The following IGF2BP2 variants were observed in gnomAD, a reference collection of about 807,000 sequenced individuals.
The protein encoded by IGF2BP2 is insulin-like growth factor 2 mRNA-binding protein 2.
IGF2BP2 carries 17 observed loss-of-function variants against 75.8 expected under a neutral mutation model. That is an observed-to-expected ratio of 0.22 (90% CI 0.15 to 0.34). The LOEUF is 0.34. Among genes scored for constraint, IGF2BP2 ranks in the 10% least tolerant of loss-of-function variants. IGF2BP2 has a pLI of 1.00. For missense variants in IGF2BP2, 516 were observed against 772.4 expected (o/e 0.67, Z 3.93); for synonymous variants, 288 against 295.6 (o/e 0.97, Z 0.26).
chr3:185,732,708 T>C (rs895302152), intron 2 of IGF2BP2, among the ~76,000 whole-genome samples: 7 of 152,306 alleles, frequency 4.6e-5, no homozygotes, highest in African/African-American at 7.2e-5. Context: ...GAAGAGTATA[T>C]GAAGACAATT....
At chr3:185,646,654 AGGGTG>A (rs1323236754) in intron 15 of IGF2BP2, among the ~76,000 whole-genome samples, 1 of 152,156 alleles carries the variant, frequency 6.6e-6, no homozygotes, top group East Asian at 1.9e-4. Context: ...AGGAATCCAG[AGGGTG>A]GGCTTGCCTG....
intron 10 of IGF2BP2, among the ~76,000 whole-genome samples, chr3:185,671,546 A>G (rs1385417518): frequency 4.6e-5 from 7 of 151,884 alleles, no homozygotes; most frequent in Admixed American, 2.6e-4. Flanking sequence ...AAAAAAAAAA[A>G]AAAAAGAAAA....
At chr3:185,742,478 AGAGT>A (rs1401490491) in intron 2 of IGF2BP2, among the ~76,000 whole-genome samples, 1 of 152,060 alleles carries the variant, frequency 6.6e-6, no homozygotes, top group Non-Finnish European at 1.5e-5. Context: ...CCTGGGCAAC[AGAGT>A]GAGACTCCAT....
At chr3:185,824,608 G>A (rs1469037041) in intron 1 of IGF2BP2, among the ~76,000 whole-genome samples, 175 bp downstream of exon 1, 1 of 151,550 alleles carries the variant, frequency 6.6e-6, no homozygotes, top group African/African-American at 2.4e-5. Flanking sequence ...GGGGAGGGGA[G>A]CGGGCCGTCC....
intron 10 of IGF2BP2, among the ~76,000 whole-genome samples, chr3:185,666,021 G>A (rs1007328204): frequency 6.6e-6 from 1 of 150,944 alleles, no homozygotes; most frequent in African/African-American, 2.4e-5. Context: ...TAGATAGATA[G>A]ATAGATAGAT....
Position 185,810,793 on chromosome 3 carries a change from C to A in IGF2BP2, c.239+12360G>T, listed in dbSNP as rs1027498026. ...TCTCAAAAAAAAAAACAACAAAAAA[C>A]AAAAACTAAAAAACAAACAAAAAAA... On this transcript the variant is annotated intron_variant, in intron 2 of 15. Transcript: ENST00000382199. 9.2e-3 allele frequency among the ~76,000 whole-genome samples: 1,376 copies of A among 149,604 alleles called. 10 individuals are homozygous for A. Among genetic ancestry groups the A allele is most frequent in the East Asian group, 0.023 (115 of 5,066 alleles).
chr3:185,708,158 C>G (rs1319468021), intron 2 of IGF2BP2, among the ~76,000 whole-genome samples: 1 of 152,178 alleles, frequency 6.6e-6, no homozygotes, highest in East Asian at 1.9e-4. Flanking sequence ...TTGTCTGAGT[C>G]TCACAGTTAG....
chr3:185,804,015 T>C (rs1379281180), intron 2 of IGF2BP2, among the ~76,000 whole-genome samples: 2 of 152,012 alleles, frequency 1.3e-5, no homozygotes, highest in African/African-American at 2.4e-5. Flanking sequence ...TCCCAGCACT[T>C]TGGGAGGCTG....
intron 5 of IGF2BP2, among the ~76,000 whole-genome samples, chr3:185,692,462 G>T (rs919301132): frequency 2.0e-5 from 3 of 152,202 alleles, no homozygotes; most frequent in Admixed American, 2.0e-4. Context: ...CAAATATCCC[G>T]GTGTGAATGT....
chr3:185,758,619 T>G (rs543050874), intron 2 of IGF2BP2, among the ~76,000 whole-genome samples: 1 of 152,330 alleles, frequency 6.6e-6, no homozygotes, highest in South Asian at 2.1e-4. Flanking sequence ...GGCACTGTGT[T>G]AGCACTGCTG....
chr3:185,822,968 T>C (rs1207394372), intron 2 of IGF2BP2, among the ~76,000 whole-genome samples, 185 bp downstream of exon 2: 1 of 151,042 alleles, frequency 6.6e-6, no homozygotes, highest in Admixed American at 6.6e-5. Flanking sequence ...CCAAGAACAG[T>C]AAACACCTTA....
At chr3:185,699,380 C>G (rs1012821141) in intron 2 of IGF2BP2, among the ~76,000 whole-genome samples, 1 of 152,162 alleles carries the variant, frequency 6.6e-6, no homozygotes, top group Non-Finnish European at 1.5e-5. Flanking sequence ...CAGGTGAGGT[C>G]ATATAGTGGG....
intron 6 of IGF2BP2, among the ~76,000 whole-genome samples, chr3:185,688,457 C>G (rs1721455086): frequency 6.6e-6 from 1 of 152,196 alleles, no homozygotes; most frequent in Non-Finnish European, 1.5e-5. Flanking sequence ...ATTCTCCTGC[C>G]TCAGCCTCCA....
chr3:185,668,639 T>C (rs1718048860), intron 10 of IGF2BP2, among the ~76,000 whole-genome samples: 2 of 150,458 alleles, frequency 1.3e-5, no homozygotes, highest in South Asian at 4.2e-4. Context: ...TATATAATTA[T>C]ATACATATAA....
Position 185,645,686 on chromosome 3 carries a change from C to A in IGF2BP2, c.1708-63G>T. 1.6e-6 allele frequency: 2 copies of A among 1,255,696 alleles called. No individual in the cohort carries two copies. Among genetic ancestry groups the A allele is most frequent in the Non-Finnish European group, 2.3e-6 (2 of 855,158 alleles). 77.8% of individuals were successfully genotyped at this position (1,255,696 alleles called of 1,614,324 possible). ...GAAAAAAGGAACCCAGTTCTGAGGA[C>A]AAACGGCAGGGGAGGCTCTGGGGCT... On this transcript the variant is annotated intron_variant, in intron 15 of 15. Transcript: ENST00000382199. This position sits in a 1 kb window ranked among gnomAD's most constrained non-coding sequence, Gnocchi z 4.9.
intron 2 of IGF2BP2, among the ~76,000 whole-genome samples, chr3:185,703,552 T>C (rs570979698): frequency 1.3e-5 from 2 of 152,214 alleles, no homozygotes; most frequent in African/African-American, 4.8e-5. Flanking sequence ...GATGGATCAC[T>C]TGAGGTCAGG....
chr3:185,720,420 C>T (rs138569139), intron 2 of IGF2BP2, among the ~76,000 whole-genome samples: 1 of 152,302 alleles, frequency 6.6e-6, no homozygotes, highest in East Asian at 1.9e-4. Context: ...TCTCGACTCA[C>T]CACAACTGCG....
chr3:185,687,248 C>G, intron 6 of IGF2BP2, 57 bp from the exon 7 acceptor site: 1 of 1,532,684 alleles, frequency 6.5e-7, no homozygotes, highest in Non-Finnish European at 8.8e-7. Flanking sequence ...GGACCCTAGC[C>G]CCAAGAAAGC....
At chr3:185,770,278 C>T (rs1370258029) in intron 2 of IGF2BP2, among the ~76,000 whole-genome samples, 2 of 152,126 alleles carry the variant, frequency 1.3e-5, no homozygotes. Context: ...CAGGACTGGT[C>T]GAGCAGGACC....
Sources: gnomAD v4.1 joint callset for allele counts (sites outside exome capture counted in the v4.1 genomes callset) on GRCh38, gnomAD v4.1.1 for gene constraint, Gnocchi (gnomAD v3.1) non-coding constraint, MANE v1.5 for transcripts, NCBI Gene and HGNC (gene_info 2026-07-23, HGNC 2026-07-21) for gene names.